The following EIF4G3 variants were observed in gnomAD, a reference collection of about 807,000 sequenced individuals.
The protein encoded by EIF4G3 is eukaryotic translation initiation factor 4 gamma 3.
In EIF4G3, 34 loss-of-function variants were observed where a neutral mutation model predicts 186.4. The ratio of observed to expected loss-of-function variants is 0.18; its 90% CI spans 0.14 to 0.24. The LOEUF is 0.24. Among genes scored for constraint, EIF4G3 ranks in the 10% least tolerant of loss-of-function variants. The pLI is 1.00. For missense variants in EIF4G3, 1,536 were observed against 1,948.5 expected (o/e 0.79, Z 3.99); for synonymous variants, 673 against 679.5 (o/e 0.99, Z 0.15).
In EIF4G3 at chr1:21,055,470, T is replaced by C. The variant is rs550038162; in HGVS notation, c.-195-4476A>G. Among the ~76,000 whole-genome samples, 7 of 152,236 alleles carry C rather than the reference T, an allele frequency of 4.6e-5. No homozygotes were observed. In the East Asian group the frequency reaches 1.3e-3, roughly 29 times the overall value. On this transcript the variant is annotated intron_variant, in intron 3 of 36. Coordinates refer to ENST00000602326, the MANE Select transcript of EIF4G3 (RefSeq NM_001391906.1). ...TAAAATACATTGTATGTTTATCAAT[T>C]AAACTAACAAAAGTAAGTTAAAATA...
chr1:21,084,317 T>A (rs1025420512), intron 3 of EIF4G3, among the ~76,000 whole-genome samples: 1 of 150,512 alleles, frequency 6.6e-6, no homozygotes, highest in African/African-American at 2.4e-5. Context: ...AAACTTACAA[T>A]AATGGTAGAA....
chr1:21,153,256 G>A (rs886349969), intron 2 of EIF4G3, among the ~76,000 whole-genome samples: 9 of 152,130 alleles, frequency 5.9e-5, no homozygotes, highest in African/African-American at 1.4e-4. Flanking sequence ...ACATCTCAAA[G>A]ACTCTTAGAC....
At chr1:21,033,972 C>T (rs1036697102) in intron 4 of EIF4G3, among the ~76,000 whole-genome samples, 21 of 152,234 alleles carry the variant, frequency 1.4e-4, no homozygotes, top group Non-Finnish European at 4.4e-5. Context: ...GCCTGTAGTA[C>T]TAACTACTTG....
intron 10 of EIF4G3, among the ~76,000 whole-genome samples, chr1:20,973,323 T>C (rs2076250399): frequency 2.6e-5 from 4 of 152,236 alleles, no homozygotes; most frequent in Admixed American, 1.3e-4. Flanking sequence ...ACATCCAATA[T>C]GAAAACCACT....
chr1:20,854,025 A>T (rs2074128680), intron 26 of EIF4G3, among the ~76,000 whole-genome samples: 1 of 152,212 alleles, frequency 6.6e-6, no homozygotes, highest in African/African-American at 2.4e-5. Context: ...ACAAATATGC[A>T]TGTGGGTTTT....
At chr1:21,109,054 C>T (rs1228055447) in intron 2 of EIF4G3, among the ~76,000 whole-genome samples, 1 of 151,824 alleles carries the variant, frequency 6.6e-6, no homozygotes, top group Non-Finnish European at 1.5e-5. Context: ...CCCATCTCTA[C>T]TAAAAATACA....
intron 14 of EIF4G3, among the ~76,000 whole-genome samples, chr1:20,923,650 T>A (rs1317416068): frequency 1.3e-5 from 2 of 151,602 alleles, no homozygotes; most frequent in African/African-American, 4.8e-5. Context: ...AAAAAAAAAA[T>A]CTACTTTCCA....
chr1:20,997,074 A>G (rs2082449647), intron 7 of EIF4G3, among the ~76,000 whole-genome samples: 2 of 152,180 alleles, frequency 1.3e-5, no homozygotes, highest in Admixed American at 6.5e-5. Context: ...TCTATTTTCT[A>G]TGTGTTCTAA....
At chr1:21,086,946 A>AG (rs2096002976) in intron 3 of EIF4G3, among the ~76,000 whole-genome samples, 1 of 143,578 alleles carries the variant, frequency 7.0e-6, no homozygotes, top group Admixed American at 6.9e-5. Flanking sequence ...CTCAAAAAAA[A>AG]AAAAAAAGAA....
chr1:20,976,767 G>C (rs552034801), intron 10 of EIF4G3, among the ~76,000 whole-genome samples: 37 of 152,292 alleles, frequency 2.4e-4, no homozygotes, highest in African/African-American at 7.9e-4. Flanking sequence ...GCCAGGCGCA[G>C]TGGCTCATGC....
At chr1:20,949,112 T>A (rs1186747722) in intron 13 of EIF4G3, among the ~76,000 whole-genome samples, 1 of 152,070 alleles carries the variant, frequency 6.6e-6, no homozygotes, top group Non-Finnish European at 1.5e-5. Context: ...TATCCAATCA[T>A]TTTTAGAAAT....
chr1:20,887,351 AT>A (rs1224595585), intron 18 of EIF4G3, among the ~76,000 whole-genome samples: 3 of 152,152 alleles, frequency 2.0e-5, no homozygotes, highest in African/African-American at 4.8e-5. Context: ...GCCCTTTTGA[AT>A]TCATTTAACG....
chr1:20,943,470 G>C (rs1174134264), intron 13 of EIF4G3, among the ~76,000 whole-genome samples: 1 of 152,152 alleles, frequency 6.6e-6, no homozygotes, highest in Non-Finnish European at 1.5e-5. Context: ...CAGGTAAATT[G>C]ATATGTGATT....
chr1:21,072,653 CA>C (rs2100422057), intron 3 of EIF4G3, among the ~76,000 whole-genome samples: 1 of 152,220 alleles, frequency 6.6e-6, no homozygotes, highest in African/African-American at 2.4e-5. Flanking sequence ...CCGCCCGCCT[CA>C]GTATCCCAAA....
At chr1:21,120,795 C>A (rs191518192) in intron 2 of EIF4G3, among the ~76,000 whole-genome samples, 1 of 152,116 alleles carries the variant, frequency 6.6e-6, no homozygotes, top group Non-Finnish European at 1.5e-5. Context: ...TTACTTAATA[C>A]GCATCTCAGT....
chr1:20,811,476 G>A (rs1285574474), intron 35 of EIF4G3, among the ~76,000 whole-genome samples: 3 of 152,118 alleles, frequency 2.0e-5, no homozygotes, highest in African/African-American at 7.2e-5. Flanking sequence ...GAGGCAAGAA[G>A]GTCTAAGGCA....
chr1:20,923,436 A>C (rs1352755441), intron 14 of EIF4G3, among the ~76,000 whole-genome samples: 3 of 152,132 alleles, frequency 2.0e-5, no homozygotes, highest in African/African-American at 7.2e-5. Flanking sequence ...ACACTTTTGA[A>C]CCACTTCTAC....
In EIF4G3 at chr1:20,826,540, A is replaced by G. The variant is rs1434930270; in HGVS notation, c.4269+1077T>C. ...GAGTCTTGCTCTGTTGCCAGGCTGG[A>G]GCGCAGTGGCATGATCTCGGCTAAC... On this transcript the variant is annotated intron_variant, in intron 32 of 36. Transcript: ENST00000602326. 2.7e-5 allele frequency among the ~76,000 whole-genome samples: 3 copies of G among 110,474 alleles called. No individual in the cohort carries two copies. In the Admixed American group the frequency reaches 4.2e-4, roughly 16 times the overall value. 72.5% of individuals were successfully genotyped at this position (110,474 alleles called of 152,430 possible). A position where few individuals can be genotyped will look rare whatever the true frequency, so the allele number is the denominator to read the frequency against.
intron 14 of EIF4G3, among the ~76,000 whole-genome samples, chr1:20,940,787 G>A (rs1248033293): frequency 6.6e-6 from 1 of 152,112 alleles, no homozygotes; most frequent in Non-Finnish European, 1.5e-5. Flanking sequence ...GATAACTTTT[G>A]ATTAAACTTA....
Sources: gnomAD v4.1 joint callset for allele counts (sites outside exome capture counted in the v4.1 genomes callset) on GRCh38, gnomAD v4.1.1 for gene constraint, MANE v1.5 for transcripts, NCBI Gene and HGNC (gene_info 2026-07-23, HGNC 2026-07-21) for gene names.